The following ZNF678 variants were observed in gnomAD, a reference collection of about 807,000 sequenced individuals.
The protein encoded by ZNF678 is hypothetical protein MGC42493.
A neutral mutation model predicts 3.0 loss-of-function variants in ZNF678; 5 were observed. The observed-to-expected ratio is 1.69, with a 90% CI of 0.88 to 3.56. The LOEUF (loss-of-function observed/expected upper bound fraction) is 3.56, where lower values mean the gene tolerates loss of function less well. ZNF678 is among the 30% of genes most tolerant of loss of function. The pLI is 0.00. For missense variants in ZNF678, 593 were observed against 605.0 expected, an observed-to-expected ratio of 0.98 and a Z score of 0.21; for synonymous variants, 218 against 199.6, an observed-to-expected ratio of 1.09 and a Z score of -0.78.
intron 1 of ZNF678, among the ~76,000 whole-genome samples, chr1:227,640,887 C>T (rs1437010831): frequency 1.3e-5 from 2 of 152,166 alleles, no homozygotes; most frequent in African/African-American, 4.8e-5. Context: ...AAGGAGCGAT[C>T]ATCACTGCTG....
At position 227,638,301 on chromosome 1, in the gene ZNF678, AG is replaced by A. The variant is rs1476015664; in HGVS notation, c.-163-8241del. On this transcript the variant is annotated intron_variant, in intron 1 of 3. Coordinates refer to ENST00000343776, the MANE Select transcript of ZNF678 (RefSeq NM_001367909.1). The surrounding 1 kb of genome is among the most constrained non-coding windows in gnomAD (Gnocchi z 4.2). Reference sequence around the variant, plus strand: ...TTGCGGAAAGTGAAGTATATGGGTCAGGAACTACTAGACAGCTTGGTTAATG... The same window carrying A: ...TTGCGGAAAGTGAAGTATATGGGTCAGAACTACTAGACAGCTTGGTTAATG... Among the ~76,000 whole-genome samples, 7 of 152,250 alleles carry A rather than the reference AG, an allele frequency of 4.6e-5. No homozygotes were observed. The highest frequency in any genetic ancestry group is 4.6e-4 in the Admixed American group (7 of 15,290).
At chr1:227,607,982 TA>T (rs1159803337) in intron 1 of ZNF678, among the ~76,000 whole-genome samples, 27 of 151,684 alleles carry the variant, frequency 1.8e-4, no homozygotes, top group African/African-American at 4.8e-4. Context: ...AAACATTGAT[TA>T]GTTAGAAAGA....
chr1:227,654,963 A>C lies in ZNF678; in HGVS notation c.713A>C (p.Lys238Thr). The change falls in exon 4 of 4, where the codon AAA becomes ACA. Residue 238 changes from lysine to threonine, a missense_variant. Lys to Thr is a moderately conservative substitution (Grantham distance 78, BLOSUM62 -1). Transcript: ENST00000343776. ...ATTCATACTGGAGAGAAACCCTACA[A>C]ATGCAAAGAATGTTGCAAAGCCTTT... ...KRIHTGEKPY[K>T]CKECCKAFNK... The C allele has an allele frequency of 6.2e-7, 1 of 1,612,482 alleles. No homozygotes were observed.
intron 5 of ZNF678, among the ~76,000 whole-genome samples, chr1:227,676,888 A>T (rs1057101978): frequency 6.6e-6 from 1 of 152,078 alleles, no homozygotes; most frequent in Admixed American, 6.5e-5. Context: ...TCCATGGTGT[A>T]TATGTGCCAC....
chr1:227,634,369 G>C (rs1024388626), intron 1 of ZNF678, among the ~76,000 whole-genome samples: 2 of 152,182 alleles, frequency 1.3e-5, no homozygotes, highest in African/African-American at 2.4e-5. Flanking sequence ...GTTTTGTCTT[G>C]CATGTGAGGC....
chr1:227,669,499 A>G lies in ZNF678; in HGVS notation c.227-7680A>G, dbSNP rs186102513. 4.6e-3 allele frequency among the ~76,000 whole-genome samples: 697 copies of G among 152,194 alleles called. 17 individuals carry two copies. In the South Asian group the frequency reaches 0.057, roughly 12 times the overall value. On this transcript the variant is annotated intron_variant, in intron 5 of 5. Coordinates refer to the ZNF678 transcript ENST00000608949. ...AAAATATATATATATCTAAAAAAAA[A>G]TTAGCCAGGTGCGGTGGCGTGCGCC...
At position 227,584,461 on chromosome 1, in the gene ZNF678, G is replaced by C. The variant is rs373902325; in HGVS notation, c.-164+20737G>C. On this transcript the variant is annotated intron_variant, in intron 1 of 3. Transcript: ENST00000343776. ...AGAATTCTGAAAAAAACTACAGCTA[G>C]GTATTTACCTTGCTCTATCTCCAGC... Among the ~76,000 whole-genome samples, 525 of 152,206 alleles carry C rather than the reference G, an allele frequency of 3.4e-3. 5 individuals are homozygous for C. The highest frequency in any genetic ancestry group is 0.012 in the African/African-American group (498 of 41,500).
At chr1:227,608,075 T>C (rs981435343) in intron 1 of ZNF678, among the ~76,000 whole-genome samples, 2 of 152,078 alleles carry the variant, frequency 1.3e-5, no homozygotes, top group South Asian at 2.1e-4. Context: ...TTTAAAACTT[T>C]AAAGTTTAAG....
chr1:227,643,641 T>A (rs1658878685), intron 1 of ZNF678, among the ~76,000 whole-genome samples: 1 of 152,152 alleles, frequency 6.6e-6, no homozygotes, highest in Non-Finnish European at 1.5e-5. Flanking sequence ...TTTTGGTGCC[T>A]TAATTTTTAT....
intron 1 of ZNF678, among the ~76,000 whole-genome samples, chr1:227,564,608 C>T (rs1478563302): frequency 6.6e-6 from 1 of 152,222 alleles, no homozygotes; most frequent in Non-Finnish European, 1.5e-5. Flanking sequence ...ACCATCACCT[C>T]TTCAGTTCAC....
At chr1:227,668,645 A>T (rs1436867996) in intron 5 of ZNF678, among the ~76,000 whole-genome samples, 1 of 152,224 alleles carries the variant, frequency 6.6e-6, no homozygotes, top group Admixed American at 6.5e-5. Flanking sequence ...AAGTGTTCAC[A>T]TTTGGCATCA....
At chr1:227,629,315 C>T (rs1183941693) in intron 1 of ZNF678, among the ~76,000 whole-genome samples, 1 of 152,212 alleles carries the variant, frequency 6.6e-6, no homozygotes, top group Non-Finnish European at 1.5e-5. Flanking sequence ...ATTCCTTCCT[C>T]AAGTAGGGGA....
At position 227,655,464 on chromosome 1, in the gene ZNF678, A is replaced by C; in HGVS notation, c.1214A>C (p.Tyr405Ser). The C allele has an allele frequency of 6.2e-7, 1 of 1,612,674 alleles. No homozygotes were observed. Among genetic ancestry groups the C allele is most frequent in the Non-Finnish European group, 8.5e-7 (1 of 1,179,286 alleles). The change falls in exon 4 of 4, where the codon TAC becomes TCC. Residue 405 changes from tyrosine (Y) to serine (S), a missense_variant. Coordinates refer to ENST00000343776, the MANE Select transcript of ZNF678 (RefSeq NM_001367909.1). ...HRRIHTGVKP[Y>S]KCEECGKVFK... The stretch of plus-strand genomic sequence containing the variant: ...AGAATTCATACTGGAGTGAAACCCT[A>C]CAAATGTGAAGAATGTGGGAAAGTT...
chr1:227,654,593 C>G lies in ZNF678; in HGVS notation c.343C>G (p.His115Asp). Residue 115 changes from histidine to aspartate, a missense_variant, in exon 4 of 4, where the codon CAT (histidine) becomes GAT (aspartate). By Grantham distance (81) the His-to-Asp change is moderately conservative. Coordinates refer to ENST00000343776, the MANE Select transcript of ZNF678 (RefSeq NM_001367909.1). ...TAGCTGGAGGTCAATCCTTACTGAA[C>G]ATAAGAGAATTCATACTGGAGAGAA... The part of the protein sequence containing the change: ...NFSWRSILTE[H>D]KRIHTGEKPY... 6.2e-7 allele frequency: 1 copy of G among 1,613,370 alleles called. No homozygotes were observed. The highest frequency in any genetic ancestry group is 1.1e-5 in the South Asian group (1 of 91,054).
At chr1:227,623,828 G>A (rs1197795235) in intron 1 of ZNF678, among the ~76,000 whole-genome samples, 1 of 152,054 alleles carries the variant, frequency 6.6e-6, no homozygotes, top group Non-Finnish European at 1.5e-5. Context: ...AATGAACATA[G>A]TCTTACTGTC....
At chr1:227,652,346 A>C (rs1329308010) in intron 3 of ZNF678, among the ~76,000 whole-genome samples, 1 of 152,106 alleles carries the variant, frequency 6.6e-6, no homozygotes, top group East Asian at 1.9e-4. Context: ...CAGTCGTCTA[A>C]AGTTAGTGTC....
In ZNF678 at chr1:227,658,222, G is replaced by C. The variant is rs1303099881; in HGVS notation, c.*2394G>C. On this transcript the variant is annotated 3_prime_UTR_variant, in exon 4 of 4. Coordinates refer to ENST00000343776, the MANE Select transcript of ZNF678 (RefSeq NM_001367909.1). ...AATTGAATTTTTTTCACTTTATTGA[G>C]CCATTTTGTTTAGATGTACACTGGG... 1 of 151,616 alleles carries C rather than the reference G, an allele frequency of 6.6e-6. No homozygotes were observed. Among genetic ancestry groups the C allele is most frequent in the African/African-American group, 2.4e-5 (1 of 41,258 alleles). The allele number at this position is 151,616 out of a possible 1,614,324, so 9.4% of individuals were successfully genotyped here.
intron 1 of ZNF678, among the ~76,000 whole-genome samples, chr1:227,608,740 A>G (rs866879712): frequency 6.6e-6 from 1 of 152,204 alleles, no homozygotes; most frequent in South Asian, 2.1e-4. Context: ...TTATAAGAGC[A>G]CTTAAAATGC....
intron 1 of ZNF678, among the ~76,000 whole-genome samples, chr1:227,629,105 TGC>T: frequency 6.6e-6 from 1 of 152,322 alleles, no homozygotes; most frequent in South Asian, 2.1e-4. Context: ...ATTGGAGTAT[TGC>T]AGGGGCTATT....
Sources: gnomAD v4.1 joint callset for allele counts (sites outside exome capture counted in the v4.1 genomes callset) on GRCh38, gnomAD v4.1.1 for gene constraint, Gnocchi (gnomAD v3.1) non-coding constraint, MANE v1.5 for transcripts, NCBI Gene and HGNC (gene_info 2026-07-23, HGNC 2026-07-21) for gene names.